HSPA12A: variants seen among roughly 807,000 people sequenced by gnomAD.
HSPA12A encodes heat shock protein family A (Hsp70) member 12A.
Under a neutral mutation model 69.2 loss-of-function variants are expected in HSPA12A, and 28 were observed. The ratio of observed to expected loss-of-function variants is 0.40; its 90% CI spans 0.30 to 0.55. The LOEUF (loss-of-function observed/expected upper bound fraction) is 0.55. Among genes scored for constraint, HSPA12A ranks in the 20% least tolerant of loss-of-function variants. HSPA12A has a pLI of 0.38. For synonymous variants in HSPA12A, 345 were observed against 370.5 expected, an observed-to-expected ratio of 0.93 and a Z score of 0.79; for missense variants, 686 against 900.7, an observed-to-expected ratio of 0.76 and a Z score of 3.05.
At chr10:116,728,992 G>A (rs1554885390) in intron 1 of HSPA12A, among the ~76,000 whole-genome samples, 2 of 152,258 alleles carry the variant, frequency 1.3e-5, no homozygotes, top group East Asian at 1.9e-4. Context: ...CCCTGCAGGC[G>A]GCCTATGGCA....
At chr10:116,798,648 A>G (rs1844888697) in intron 2 of HSPA12A, among the ~76,000 whole-genome samples, 1 of 152,120 alleles carries the variant, frequency 6.6e-6, no homozygotes, top group African/African-American at 2.4e-5. Flanking sequence ...GCAAAACCAC[A>G]GCGTTTGACA....
intron 7 of HSPA12A, among the ~76,000 whole-genome samples, chr10:116,682,867 A>ATTTTTTTTTT (rs60393392): frequency 2.5e-5 from 3 of 117,726 alleles, no homozygotes; most frequent in African/African-American, 7.0e-5. Flanking sequence ...CGCCCGGCTA[A>ATTTTTTTTTT]TTTTTTTTTT....
intron 2 of HSPA12A, among the ~76,000 whole-genome samples, chr10:116,818,772 TA>T (rs1266418547): frequency 7.2e-5 from 11 of 152,186 alleles, no homozygotes; most frequent in African/African-American, 2.4e-4. Context: ...ATGTGATCCC[TA>T]AATCATGGTT....
chr10:116,788,866 A>ATTTT (rs34187640), intron 2 of HSPA12A, among the ~76,000 whole-genome samples: 3 of 138,662 alleles, frequency 2.2e-5, no homozygotes, highest in Admixed American at 7.3e-5. Flanking sequence ...CTACGCAGCT[A>ATTTT]TTTTTTTTTT....
intron 2 of HSPA12A, among the ~76,000 whole-genome samples, chr10:116,751,945 T>A (rs928277037): frequency 6.6e-6 from 1 of 152,316 alleles, no homozygotes; most frequent in African/African-American, 2.4e-5. Context: ...GCCAAGCAGA[T>A]GCCAATGCCT....
intron 5 of HSPA12A, among the ~76,000 whole-genome samples, chr10:116,696,785 C>T (rs1849919731): frequency 6.6e-6 from 1 of 152,150 alleles, no homozygotes; most frequent in Non-Finnish European, 1.5e-5. Context: ...CCTTACCCTC[C>T]TTCCACCTCA....
intron 2 of HSPA12A, among the ~76,000 whole-genome samples, chr10:116,797,995 G>A (rs567263012): frequency 1.3e-5 from 2 of 152,282 alleles, no homozygotes; most frequent in African/African-American, 4.8e-5. Flanking sequence ...TGGGAACACA[G>A]CCATGGGAAC....
At chr10:116,798,259 A>G (rs1489334966) in intron 2 of HSPA12A, among the ~76,000 whole-genome samples, 1 of 152,096 alleles carries the variant, frequency 6.6e-6, no homozygotes, top group Non-Finnish European at 1.5e-5. Context: ...GAAGCCGTCT[A>G]AGATGAGACG....
intron 5 of HSPA12A, 42 bp downstream of exon 5, chr10:116,698,593 C>T (rs1457419055): frequency 1.9e-5 from 29 of 1,518,742 alleles, no homozygotes; most frequent in Non-Finnish European, 2.5e-5. Flanking sequence ...ACGGGTGCCA[C>T]CGCCTAGCAC....
rs10787724 is a variant in HSPA12A, at chr10:116,723,766, C to A, written c.41-16481G>T. 0.25 allele frequency among the ~76,000 whole-genome samples: 38,616 copies of A among 152,158 alleles called. 5,449 individuals carry two copies. The highest frequency in any genetic ancestry group is 0.4 in the Middle Eastern group (119 of 294). ...CTCAGGTGGGACCAGCAGCCCTGCT[C>A]CTGCAGTCAGCCTCTCCACCCGTTC... On this transcript the variant is annotated intron_variant, in intron 1 of 11. Transcript: ENST00000369209. This position sits in a 1 kb window ranked among gnomAD's most constrained non-coding sequence, Gnocchi z 4.1.
At chr10:116,684,444 C>T (rs564575279) in intron 6 of HSPA12A, among the ~76,000 whole-genome samples, 1 of 152,278 alleles carries the variant, frequency 6.6e-6, no homozygotes, top group South Asian at 2.1e-4. Context: ...GAGCAAACCC[C>T]TATCTTTGGT....
intron 1 of HSPA12A, among the ~76,000 whole-genome samples, chr10:116,729,442 G>A (rs530644877): frequency 6.6e-6 from 1 of 152,212 alleles, no homozygotes; most frequent in South Asian, 2.1e-4. Context: ...GACTACAGTT[G>A]ACCTTTGAAC....
intron 2 of HSPA12A, chr10:116,750,587 C>A (rs566228794): frequency 2.5e-5 from 8 of 320,608 alleles, no homozygotes; most frequent in Admixed American, 3.9e-5. Flanking sequence ...CATAAAAAAA[C>A]AGCATAACTC....
intron 2 of HSPA12A, among the ~76,000 whole-genome samples, chr10:116,822,438 G>A (rs372307105): frequency 6.6e-6 from 1 of 152,228 alleles, no homozygotes; most frequent in Non-Finnish European, 1.5e-5. Context: ...AGGACGCCCT[G>A]TGGGTTCACA....
At chr10:116,704,557 A>C (rs1201406642) in intron 3 of HSPA12A, among the ~76,000 whole-genome samples, 3 of 152,138 alleles carry the variant, frequency 2.0e-5, no homozygotes, top group African/African-American at 7.2e-5. Context: ...ACATGTATAC[A>C]TATGTAACAA....
chr10:116,697,752 T>C (rs562397599), intron 5 of HSPA12A, among the ~76,000 whole-genome samples: 1 of 152,262 alleles, frequency 6.6e-6, no homozygotes, highest in East Asian at 1.9e-4. Flanking sequence ...TTTTCGTATA[T>C]TCACAAGGTT....
intron 1 of HSPA12A, 110 bp from the exon 2 acceptor site, chr10:116,707,395 G>T: frequency 1.2e-6 from 1 of 827,632 alleles, no homozygotes; most frequent in Non-Finnish European, 2.0e-6. Context: ...CCTCTGCAAA[G>T]CCAGCTCACG....
intron 2 of HSPA12A, among the ~76,000 whole-genome samples, chr10:116,769,718 T>C (rs1554890189): frequency 6.6e-6 from 1 of 152,172 alleles, no homozygotes; most frequent in Non-Finnish European, 1.5e-5. Flanking sequence ...AAACAGCTAT[T>C]GATTCAGTTA....
At chr10:116,676,299 G>A in intron 11 of HSPA12A, 100 bp downstream of exon 11, 1 of 1,014,152 alleles carries the variant, frequency 9.9e-7, no homozygotes, top group Non-Finnish European at 1.5e-6. Flanking sequence ...CCCAGATCCA[G>A]GCCAACCTGA....
Sources: gnomAD v4.1 joint callset for allele counts (sites outside exome capture counted in the v4.1 genomes callset) on GRCh38, gnomAD v4.1.1 for gene constraint, Gnocchi (gnomAD v3.1) non-coding constraint, MANE v1.5 for transcripts, NCBI Gene and HGNC (gene_info 2026-07-23, HGNC 2026-07-21) for gene names.